Variants in LPXN observed in about 807,000 individuals in gnomAD.
LPXN encodes the protein leupaxin.
A neutral mutation model predicts 45.6 loss-of-function variants in LPXN; 28 were observed. That is an observed-to-expected ratio of 0.61 (90% CI 0.45 to 0.84). The LOEUF (loss-of-function observed/expected upper bound fraction) is 0.84, where lower values mean the gene tolerates loss of function less well. Among genes scored for constraint, LPXN ranks in the 40% least tolerant of loss-of-function variants. LPXN has a pLI of 0.00. For missense variants in LPXN, 459 were observed against 475.0 expected (o/e 0.97, Z 0.31); for synonymous variants, 166 against 169.9 (o/e 0.98, Z 0.18).
At chr11:58,551,869 C>T (rs1159831856) in intron 4 of LPXN, among the ~76,000 whole-genome samples, 1 of 152,068 alleles carries the variant, frequency 6.6e-6, no homozygotes, top group East Asian at 1.9e-4. Context: ...GAAATATTGA[C>T]ATTTATGGGA....
intron 7 of LPXN, among the ~76,000 whole-genome samples, chr11:58,530,706 G>A (rs1178603215): frequency 3.3e-5 from 5 of 152,216 alleles, no homozygotes; most frequent in Admixed American, 2.6e-4. Context: ...GCTCTGCTAA[G>A]GGTCAGACTG....
intron 7 of LPXN, among the ~76,000 whole-genome samples, chr11:58,533,204 A>T (rs2120199354): frequency 6.6e-6 from 1 of 152,326 alleles, no homozygotes; most frequent in African/African-American, 2.4e-5. Context: ...TCATTCTTGA[A>T]GTCAGTGAGA....
intron 6 of LPXN, 43 bp from the exon 7 acceptor site, chr11:58,549,910 T>C (rs1170554082): frequency 1.2e-6 from 2 of 1,613,770 alleles, no homozygotes; most frequent in East Asian, 2.2e-5. Context: ...GCAGAAGTTG[T>C]AAAGCATGAC....
At chr11:58,569,168 G>A (rs1405609206) in intron 2 of LPXN, among the ~76,000 whole-genome samples, 1 of 152,100 alleles carries the variant, frequency 6.6e-6, no homozygotes, top group Non-Finnish European at 1.5e-5. Flanking sequence ...TTTCATACAG[G>A]GAACAATGAT....
chr11:58,536,988 G>A lies in LPXN; in HGVS notation c.743-8797C>T, dbSNP rs1478407510. ...ACCATCTCACGCCAGTTAGAAAGGC[G>A]ATCATTAAAAAGTCAGGAAACAACA... On this transcript the variant is annotated intron_variant, in intron 7 of 8. Transcript: ENST00000395074. Among the ~76,000 whole-genome samples, 9 of 152,192 alleles carry A rather than the reference G, an allele frequency of 5.9e-5. No individual in the cohort carries two copies. In the East Asian group the frequency reaches 9.7e-4, roughly 16 times the overall value.
At chr11:58,549,396 A>T (rs570229217) in intron 7 of LPXN, among the ~76,000 whole-genome samples, 1 of 152,262 alleles carries the variant, frequency 6.6e-6, no homozygotes, top group East Asian at 1.9e-4. Flanking sequence ...ACACAGTGAG[A>T]CTCCGTCTCA....
intron 4 of LPXN, 188 bp downstream of exon 4, chr11:58,554,653 A>G (rs982840037): frequency 2.9e-5 from 14 of 479,730 alleles, no homozygotes; most frequent in Admixed American, 1.5e-4. Context: ...CAAATAACAC[A>G]TAGTACAAAG....
At chr11:58,545,380 A>T (rs562692459) in intron 7 of LPXN, among the ~76,000 whole-genome samples, 1 of 152,296 alleles carries the variant, frequency 6.6e-6, no homozygotes, top group Admixed American at 6.5e-5. Context: ...CAACTTCTCC[A>T]TCATAATGAT....
chr11:58,527,483 GTT>G lies in LPXN; in HGVS notation c.1130_1131del (p.Gln377ProfsTer5). 1 of 1,614,154 alleles carries G rather than the reference GTT, an allele frequency of 6.2e-7. No homozygotes were observed. Among genetic ancestry groups the G allele is most frequent in the Non-Finnish European group, 8.5e-7 (1 of 1,180,004 alleles). ...FREQNDKTYC[Q>X]PCFNKLFPL ...AGTGGGAAGAGCTTATTGAAGCAAG[GTT>G]GACAATAGGTCTTGTCATTCTGCTC... On this transcript the variant is annotated frameshift_variant, in exon 9 of 9. Transcript: ENST00000395074. LOFTEE classifies it high-confidence loss of function.
upstream of LPXN, among the ~76,000 whole-genome samples, chr11:58,578,476 G>T (rs894274327): frequency 1.3e-5 from 2 of 152,160 alleles, no homozygotes; most frequent in Admixed American, 1.3e-4. Flanking sequence ...CCCCGCCTCC[G>T]TTTTGCCGCC....
At chr11:58,539,843 C>T (rs1853661902) in intron 7 of LPXN, among the ~76,000 whole-genome samples, 1 of 151,988 alleles carries the variant, frequency 6.6e-6, no homozygotes. Flanking sequence ...TTGTAGAACT[C>T]AGCTAATAAA....
chr11:58,576,544 CT>C (rs2134371900), upstream of LPXN, among the ~76,000 whole-genome samples: 1 of 152,270 alleles, frequency 6.6e-6, no homozygotes, highest in East Asian at 1.9e-4. Context: ...AACTCTTCAC[CT>C]TTTTTACCAC....
At chr11:58,562,220 T>C (rs1454295248) in intron 3 of LPXN, among the ~76,000 whole-genome samples, 1 of 152,244 alleles carries the variant, frequency 6.6e-6, no homozygotes, top group Non-Finnish European at 1.5e-5. Flanking sequence ...GATATATAAC[T>C]ATACTAGAAA....
chr11:58,530,576 C>G (rs1364288977), intron 7 of LPXN, among the ~76,000 whole-genome samples: 1 of 152,196 alleles, frequency 6.6e-6, no homozygotes, highest in South Asian at 2.1e-4. Context: ...ATAAAACCCC[C>G]ATCTCCCTGG....
In LPXN at chr11:58,575,844, C is replaced by T; in HGVS notation, c.-72G>A. 1 of 1,614,052 alleles carries T rather than the reference C, an allele frequency of 6.2e-7. No homozygotes were observed. The highest frequency in any genetic ancestry group is 1.1e-5 in the South Asian group (1 of 91,068). ...CTTTGGCATGTGCTGAAGAAGAGGA[C>T]CGCAAAGGAACTGGATGAGACAGCA... On this transcript the variant is annotated 5_prime_UTR_variant, in exon 1 of 9. Transcript: ENST00000395074.
At chr11:58,578,147 G>A (rs933473868), upstream of LPXN, 19 of 1,447,720 alleles carry the variant, frequency 1.3e-5, no homozygotes, top group East Asian at 4.7e-4. Flanking sequence ...CCAACGCCCA[G>A]ATAAAAAGTA....
At chr11:58,549,283 A>G (rs566250734) in intron 7 of LPXN, among the ~76,000 whole-genome samples, 1 of 152,236 alleles carries the variant, frequency 6.6e-6, no homozygotes, top group East Asian at 1.9e-4. Context: ...AGTCCCAGCT[A>G]CTTGGGAGGC....
rs748344379 is a variant in LPXN at position 58,554,945 on chromosome 11, A to G, written c.219-5T>C. On this transcript the variant is annotated splice_polypyrimidine_tract_variant and splice_region_variant and intron_variant, in intron 3 of 8. Coordinates refer to ENST00000395074, the MANE Select transcript of LPXN (RefSeq NM_004811.3). Reference sequence around the variant, plus strand: ...TCCTTTGGCTCTTGGGCTTCACTATAGAGGGAAAACAAAAAAGTCATATGA... The same window carrying G: ...TCCTTTGGCTCTTGGGCTTCACTATGGAGGGAAAACAAAAAAGTCATATGA... 6.2e-7 allele frequency: 1 copy of G among 1,601,084 alleles called. No homozygotes were observed. Among genetic ancestry groups the G allele is most frequent in the Admixed American group, 1.7e-5 (1 of 59,952 alleles).
chr11:58,576,038 TG>T, upstream of LPXN: 1 of 731,266 alleles, frequency 1.4e-6, no homozygotes, highest in Non-Finnish European at 1.7e-6. Context: ...TTGGCCAGGG[TG>T]ATAAAGATTC....
Sources: gnomAD v4.1 joint callset for allele counts (sites outside exome capture counted in the v4.1 genomes callset) on GRCh38, gnomAD v4.1.1 for gene constraint, MANE v1.5 for transcripts, NCBI Gene and HGNC (gene_info 2026-07-23, HGNC 2026-07-21) for gene names.